Variants in LIN28B observed in about 807,000 individuals in gnomAD.
LIN28B encodes lin-28 RNA binding posttranscriptional regulator B, also known as protein lin-28 homolog B.
LIN28B carries 5 observed loss-of-function variants against 21.9 expected under a neutral mutation model. That is an observed-to-expected ratio of 0.23 (90% confidence interval 0.12 to 0.48). LIN28B has a LOEUF of 0.48. Ranked by LOEUF, LIN28B falls within the 20% of genes least tolerant of loss-of-function variation. The pLI, the probability that LIN28B is intolerant of heterozygous loss-of-function variation, is 0.98. For missense variants in LIN28B, 245 were observed against 310.5 expected, an observed-to-expected ratio of 0.79 and a Z score of 1.58; for synonymous variants, 109 against 111.3, an observed-to-expected ratio of 0.98 and a Z score of 0.13.
chr6:104,996,180 G>T (rs1294064054), intron 2 of LIN28B, among the ~76,000 whole-genome samples: 1 of 152,102 alleles, frequency 6.6e-6, no homozygotes, highest in Non-Finnish European at 1.5e-5. Flanking sequence ...GATTTGCTCT[G>T]GACTGGATGC....
At chr6:105,037,720 A>G (rs1017887828) in intron 3 of LIN28B, among the ~76,000 whole-genome samples, 8 of 151,788 alleles carry the variant, frequency 5.3e-5, no homozygotes, top group Non-Finnish European at 1.0e-4. Context: ...CACGTTGCCC[A>G]GGCTGGTCTC....
chr6:104,964,751 A>G (rs920436164), intron 2 of LIN28B, among the ~76,000 whole-genome samples: 4 of 152,228 alleles, frequency 2.6e-5, no homozygotes, highest in Non-Finnish European at 5.9e-5. Flanking sequence ...CAAGTAATGA[A>G]AGTACCATGT....
chr6:104,941,071 G>A (rs1778082040), intron 2 of LIN28B: 1 of 152,210 alleles, frequency 6.6e-6, no homozygotes, highest in African/African-American at 2.4e-5. Context: ...GCGTGCGGGT[G>A]CGGACGCCGC....
rs118045772 is a variant in LIN28B, at chr6:105,017,796, C to G, written c.199-8502C>G. Among the ~76,000 whole-genome samples the G allele has an allele frequency of 5.0e-4, 76 of 152,216 alleles. No individual in the cohort carries two copies. In the East Asian group the frequency reaches 0.013, roughly 26 times the overall value. On this transcript the variant is annotated intron_variant, in intron 2 of 3. Transcript: ENST00000345080. ...AAAACTAACTATTGGGTAATATGCT[C>G]ATTACCTGGGTGGTGGGATCAATCA... is the stretch of plus-strand genomic sequence containing the variant.
intron 3 of LIN28B, among the ~76,000 whole-genome samples, chr6:105,053,172 A>C (rs1771943752): frequency 6.6e-6 from 1 of 152,068 alleles, no homozygotes; most frequent in South Asian, 2.1e-4. Context: ...TTTATTTCTA[A>C]CTTAATTCTC....
At chr6:105,040,004 G>GT (rs1186302589) in intron 3 of LIN28B, among the ~76,000 whole-genome samples, 2 of 152,096 alleles carry the variant, frequency 1.3e-5, no homozygotes, top group African/African-American at 4.8e-5. Flanking sequence ...TTAGTCTGAT[G>GT]TTTGCTATTG....
At chr6:105,065,448 A>G (rs1772203288) in intron 3 of LIN28B, among the ~76,000 whole-genome samples, 1 of 152,350 alleles carries the variant, frequency 6.6e-6, no homozygotes, top group African/African-American at 2.4e-5. Context: ...ACAGTTGAAG[A>G]ACTGCTGATT....
intron 2 of LIN28B, among the ~76,000 whole-genome samples, chr6:104,973,446 A>T (rs777400233): frequency 6.6e-5 from 10 of 152,150 alleles, no homozygotes; most frequent in Non-Finnish European, 1.3e-4. Context: ...TCCCTGCCCT[A>T]TCATTATAAT....
intron 2 of LIN28B, among the ~76,000 whole-genome samples, chr6:105,009,654 T>G (rs1325899780): frequency 6.6e-6 from 1 of 152,194 alleles, no homozygotes; most frequent in Admixed American, 6.5e-5. Flanking sequence ...CGCACTGTTC[T>G]CAAAGCCAGA....
chr6:105,066,548 T>C (rs760959577), intron 3 of LIN28B, among the ~76,000 whole-genome samples: 1 of 152,194 alleles, frequency 6.6e-6, no homozygotes, highest in Non-Finnish European at 1.5e-5. Flanking sequence ...TCCTTTGGAA[T>C]TTCTCATGTT....
intron 3 of LIN28B, among the ~76,000 whole-genome samples, chr6:105,060,667 G>A (rs1384045746): frequency 6.6e-6 from 1 of 152,110 alleles, no homozygotes; most frequent in Non-Finnish European, 1.5e-5. Flanking sequence ...TAAGCATGAT[G>A]TTTTAAAGCC....
At chr6:105,001,440 C>T (rs1379528394) in intron 2 of LIN28B, among the ~76,000 whole-genome samples, 1 of 152,196 alleles carries the variant, frequency 6.6e-6, no homozygotes, top group African/African-American at 2.4e-5. Context: ...TGGGTCTTCT[C>T]AGAGCTAGGT....
chr6:105,010,689 C>T (rs573240887), intron 2 of LIN28B, among the ~76,000 whole-genome samples: 1 of 152,282 alleles, frequency 6.6e-6, no homozygotes, highest in African/African-American at 2.4e-5. Context: ...TTCCAGCATG[C>T]ATATCATTAA....
At chr6:105,074,580 T>G (rs1772390087) in intron 3 of LIN28B, among the ~76,000 whole-genome samples, 1 of 152,198 alleles carries the variant, frequency 6.6e-6, no homozygotes. Flanking sequence ...TCTTCTATCT[T>G]TAAACGCTCC....
chr6:105,044,958 G>C (rs1771718772), intron 3 of LIN28B, among the ~76,000 whole-genome samples: 2 of 152,072 alleles, frequency 1.3e-5, no homozygotes, highest in African/African-American at 4.8e-5. Flanking sequence ...CTTCAGCCCA[G>C]GAGTTCGAGA....
chr6:104,983,360 AAAAG>A (rs1264461420), intron 2 of LIN28B, among the ~76,000 whole-genome samples: 1 of 152,060 alleles, frequency 6.6e-6, no homozygotes, highest in African/African-American at 2.4e-5. Context: ...TGTGAGGAAA[AAAAG>A]AAAGTAAAAC....
intron 2 of LIN28B, among the ~76,000 whole-genome samples, chr6:105,013,834 C>G (rs1770971816): frequency 1.3e-5 from 2 of 151,970 alleles, no homozygotes; most frequent in African/African-American, 4.8e-5. Context: ...TCTACATTGT[C>G]AATTTTATTG....
intron 2 of LIN28B, among the ~76,000 whole-genome samples, chr6:104,994,334 C>T (rs566053884): frequency 6.6e-6 from 1 of 152,328 alleles, no homozygotes; most frequent in East Asian, 1.9e-4. Context: ...TTTAACGATA[C>T]TTTTAAGTGA....
intron 2 of LIN28B, among the ~76,000 whole-genome samples, chr6:104,999,024 A>C (rs1480583842): frequency 6.6e-6 from 1 of 152,238 alleles, no homozygotes; most frequent in Non-Finnish European, 1.5e-5. Flanking sequence ...GAATTAGAAA[A>C]AACAAGCATC....
Sources: allele counts gnomAD v4.1 joint callset (sites outside exome capture counted in the v4.1 genomes callset), GRCh38; gene constraint gnomAD v4.1.1; transcripts MANE v1.5; gene names NCBI Gene and HGNC (gene_info 2026-07-23, HGNC 2026-07-21).